The following GALNT17 variants were observed in gnomAD, a reference collection of about 807,000 sequenced individuals.
The protein encoded by GALNT17 is UDP-GalNAc:polypeptide N-acetylgalactosaminyltransferase-like 3.
Under a neutral mutation model 63.7 loss-of-function variants are expected in GALNT17, and 29 were observed. That is an observed-to-expected ratio of 0.46 (90% confidence interval 0.34 to 0.62). GALNT17 has a LOEUF of 0.62. GALNT17 is among the 20% of genes least tolerant of loss of function. The pLI is 0.01. For missense variants in GALNT17, 603 were observed against 799.6 expected (o/e 0.75, Z 2.97); for synonymous variants, 305 against 318.3 (o/e 0.96, Z 0.45).
chr7:71,293,958 G>C (rs903047164), intron 1 of GALNT17, among the ~76,000 whole-genome samples: 1 of 152,254 alleles, frequency 6.6e-6, no homozygotes, highest in East Asian at 1.9e-4. Context: ...AGGAGATGGA[G>C]ACCATCCTGG....
At position 71,670,154 on chromosome 7, in the gene GALNT17, A is replaced by G. The variant is rs753325625; in HGVS notation, c.1404+45A>G. On this transcript the variant is annotated intron_variant, in intron 8 of 10. Transcript: ENST00000333538. ...CTTTTGGCTTGGAATGCTGTTCAAT[A>G]TGCTGTGGGTTGCTTCGCTGGGGAG... 43 of 1,612,312 alleles carry G rather than the reference A, an allele frequency of 2.7e-5. 1 individual carries two copies. The highest frequency in any genetic ancestry group is 8.4e-5 in the Admixed American group (5 of 59,780).
At chr7:71,547,799 A>G (rs932289274) in intron 5 of GALNT17, among the ~76,000 whole-genome samples, 4 of 152,206 alleles carry the variant, frequency 2.6e-5, no homozygotes, top group African/African-American at 9.6e-5. Context: ...GCCATATGTA[A>G]TAGGGATTGA....
intron 5 of GALNT17, among the ~76,000 whole-genome samples, chr7:71,526,195 A>G (rs747871794): frequency 8.5e-5 from 13 of 152,124 alleles, no homozygotes; most frequent in Non-Finnish European, 1.5e-4. Context: ...TCTTGGTAGG[A>G]TGTTAGACTT....
intron 1 of GALNT17, among the ~76,000 whole-genome samples, chr7:71,229,850 C>T (rs1313697315): frequency 6.6e-6 from 1 of 152,214 alleles, no homozygotes; most frequent in Non-Finnish European, 1.5e-5. Context: ...TCACTTGGGT[C>T]ACCTCCGTGG....
At chr7:71,146,795 T>G (rs1321936277) in intron 1 of GALNT17, among the ~76,000 whole-genome samples, 1 of 152,230 alleles carries the variant, frequency 6.6e-6, no homozygotes, top group Non-Finnish European at 1.5e-5. Context: ...CATTGCTAAC[T>G]GCAGAGTCTC....
chr7:71,563,231 G>C (rs1789284537), intron 5 of GALNT17, among the ~76,000 whole-genome samples: 1 of 152,234 alleles, frequency 6.6e-6, no homozygotes, highest in Non-Finnish European at 1.5e-5. Context: ...CGTAATCGCA[G>C]TTGACTTTGA....
At chr7:71,320,932 T>A (rs1165666113) in intron 1 of GALNT17, among the ~76,000 whole-genome samples, 1 of 152,204 alleles carries the variant, frequency 6.6e-6, no homozygotes, top group Non-Finnish European at 1.5e-5. Flanking sequence ...TACATGCTTT[T>A]GGGAGAATTG....
At chr7:71,133,425 C>G (rs1040648391) in intron 1 of GALNT17, among the ~76,000 whole-genome samples, 8 of 151,960 alleles carry the variant, frequency 5.3e-5, no homozygotes, top group African/African-American at 1.9e-4. Flanking sequence ...TAGAGCCCAG[C>G]GTTTGGTGGG....
Position 71,226,732 on chromosome 7 carries a change from G to A in GALNT17, c.238+93692G>A, listed in dbSNP as rs189405075. ...TGACCTCAGGTGATCCACCCTCCTC[G>A]GCCTCCCAAAGTGCTGGGATTACAG... On this transcript the variant is annotated intron_variant, in intron 1 of 10. Coordinates refer to ENST00000333538, the MANE Select transcript of GALNT17 (RefSeq NM_022479.3). 1.7e-3 allele frequency among the ~76,000 whole-genome samples: 258 copies of A among 152,110 alleles called. 1 individual carries two copies. Among genetic ancestry groups the A allele is most frequent in the African/African-American group, 6.2e-3 (256 of 41,492 alleles).
intron 5 of GALNT17, among the ~76,000 whole-genome samples, chr7:71,466,172 T>G (rs1216003962): frequency 1.3e-5 from 2 of 152,154 alleles, no homozygotes; most frequent in Non-Finnish European, 2.9e-5. Context: ...AATATTTTGA[T>G]TTTGCAAATC....
intron 1 of GALNT17, among the ~76,000 whole-genome samples, chr7:71,173,187 T>C (rs771295722): frequency 3.9e-5 from 6 of 152,170 alleles, no homozygotes; most frequent in Non-Finnish European, 8.8e-5. Context: ...TTTGGTTGTT[T>C]CTTTGAGTCT....
intron 5 of GALNT17, among the ~76,000 whole-genome samples, chr7:71,494,849 G>A (rs940353655): frequency 2.0e-5 from 3 of 152,204 alleles, no homozygotes; most frequent in Non-Finnish European, 4.4e-5. Context: ...GCAGCAGGCA[G>A]GAAAGCTTGT....
At position 71,228,171 on chromosome 7, in the gene GALNT17, A is replaced by G. The variant is rs1374016219; in HGVS notation, c.238+95131A>G. Reference sequence around the variant, plus strand: ...GGCCAGGGTGGGAAGGGGCCCACACACAGCCCAGCTGTCTCTAAACAGCCC... The same window carrying G: ...GGCCAGGGTGGGAAGGGGCCCACACGCAGCCCAGCTGTCTCTAAACAGCCC... On this transcript the variant is annotated intron_variant, in intron 1 of 10. Transcript: ENST00000333538. Among the ~76,000 whole-genome samples the G allele has an allele frequency of 2.6e-5, 4 of 152,160 alleles. No individual in the cohort carries two copies. The East Asian group carries it at 7.7e-4, about 29-fold the overall frequency.
chr7:71,407,055 C>T (rs1404086717), intron 3 of GALNT17, among the ~76,000 whole-genome samples: 1 of 152,120 alleles, frequency 6.6e-6, no homozygotes, highest in Non-Finnish European at 1.5e-5. Context: ...GTCATAAATC[C>T]CTAAGCACAG....
intron 2 of GALNT17, among the ~76,000 whole-genome samples, chr7:71,371,498 T>G (rs927092271): frequency 3.3e-5 from 5 of 152,226 alleles, no homozygotes; most frequent in African/African-American, 1.2e-4. Flanking sequence ...CTAATTGTGC[T>G]CTTTGAGTTT....
intron 9 of GALNT17, among the ~76,000 whole-genome samples, 186 bp downstream of exon 9, chr7:71,677,492 A>C (rs1441710202): frequency 6.6e-6 from 1 of 151,730 alleles, no homozygotes; most frequent in Non-Finnish European, 1.5e-5. Context: ...GAAAAAATTC[A>C]TAAGTGGTTG....
chr7:71,281,856 A>G (rs1790783392), intron 1 of GALNT17, among the ~76,000 whole-genome samples: 1 of 152,234 alleles, frequency 6.6e-6, no homozygotes, highest in African/African-American at 2.4e-5. Flanking sequence ...TCATTTGGAA[A>G]TAGAAAAAGT....
At chr7:71,508,922 A>G (rs886714418) in intron 5 of GALNT17, among the ~76,000 whole-genome samples, 1 of 152,060 alleles carries the variant, frequency 6.6e-6, no homozygotes, top group African/African-American at 2.4e-5. Flanking sequence ...GCTCGTGTGC[A>G]TGTGTCTGTG....
At chr7:71,296,029 A>G (rs1791073092) in intron 1 of GALNT17, among the ~76,000 whole-genome samples, 1 of 151,450 alleles carries the variant, frequency 6.6e-6, no homozygotes, top group Non-Finnish European at 1.5e-5. Flanking sequence ...AGACATTTTT[A>G]TATGAGTTGT....
Sources: gnomAD v4.1 joint callset for allele counts (sites outside exome capture counted in the v4.1 genomes callset) on GRCh38, gnomAD v4.1.1 for gene constraint, MANE v1.5 for transcripts, NCBI Gene and HGNC (gene_info 2026-07-23, HGNC 2026-07-21) for gene names.